CPE: variants seen among roughly 807,000 people sequenced by gnomAD.
The protein encoded by CPE is carboxypeptidase E.
In CPE, 17 loss-of-function variants were observed where a neutral mutation model predicts 53.5. The ratio of observed to expected loss-of-function variants is 0.32; its 90% confidence interval spans 0.22 to 0.48. The LOEUF (loss-of-function observed/expected upper bound fraction) is 0.48, where lower values mean the gene tolerates loss of function less well. Among genes scored for constraint, CPE ranks in the 20% least tolerant of loss-of-function variants. The probability of loss-of-function intolerance (pLI) is 0.99; values close to 1 mark genes in which losing one functional copy is unlikely to be tolerated. For missense variants in CPE, 524 were observed against 614.7 expected (o/e 0.85, Z 1.56); for synonymous variants, 226 against 228.8 (o/e 0.99, Z 0.11).
Position 165,469,539 on chromosome 4 carries a change from G to C in CPE, c.672+1684G>C, listed in dbSNP as rs146731023. ...CTTCAGATGAGTTGCTGCTCCAACT[G>C]TCTAGAATTCTCTTGTCTTTCCTTC... is the stretch of plus-strand genomic sequence containing the variant. On this transcript the variant is annotated intron_variant, in intron 3 of 8. Transcript: ENST00000402744. 3.7e-3 allele frequency among the ~76,000 whole-genome samples: 558 copies of C among 152,222 alleles called. 2 individuals carry two copies. The highest frequency in any genetic ancestry group is 0.012 in the African/African-American group (517 of 41,520).
intron 6 of CPE, among the ~76,000 whole-genome samples, chr4:165,489,081 C>A (rs918212197): frequency 1.3e-5 from 2 of 152,030 alleles, no homozygotes; most frequent in African/African-American, 4.8e-5. Context: ...ATAAGCAGTC[C>A]ACGATGACTC....
At chr4:165,407,859 CTT>C (rs35254759) in intron 1 of CPE, among the ~76,000 whole-genome samples, 1 of 144,698 alleles carries the variant, frequency 6.9e-6, no homozygotes, top group Non-Finnish European at 1.5e-5. Flanking sequence ...CCCGACCCAA[CTT>C]TTTTTTTTTT....
intron 7 of CPE, among the ~76,000 whole-genome samples, chr4:165,495,036 A>C (rs1433857778): frequency 2.6e-5 from 4 of 152,206 alleles, no homozygotes; most frequent in South Asian, 4.1e-4. Flanking sequence ...GTTTGCACCC[A>C]AGTTTGAAAA....
rs772626574 is a variant in CPE, at chr4:165,386,306, T to C, written c.307+6778T>C. ...AAGCTCCTATAGCTCCTGTAGCTTCTTGTGCTCTAGGATTGTATTTTGTTT... is the reference window on the plus strand; with the variant it reads ...AAGCTCCTATAGCTCCTGTAGCTTCCTGTGCTCTAGGATTGTATTTTGTTT... On this transcript the variant is annotated intron_variant, in intron 1 of 8. Transcript: ENST00000402744. 3.2e-5 allele frequency: 16 copies of C among 503,310 alleles called. No individual in the cohort carries two copies. In the East Asian group the frequency reaches 8.8e-4, roughly 28 times the overall value. The allele number at this position is 503,310 out of a possible 1,614,324, so 31.2% of individuals were successfully genotyped here. A position where few individuals can be genotyped will look rare whatever the true frequency, so the allele number is the denominator to read the frequency against.
At chr4:165,461,937 TC>T (rs1243807502) in intron 1 of CPE, among the ~76,000 whole-genome samples, 6 of 152,358 alleles carry the variant, frequency 3.9e-5, no homozygotes, top group Non-Finnish European at 7.3e-5. Flanking sequence ...TCTTTTGCTA[TC>T]ATATGTGCCT....
intron 1 of CPE, chr4:165,405,526 C>CTG: frequency 1.0e-6 from 1 of 955,388 alleles, no homozygotes; most frequent in Non-Finnish European, 1.7e-6. Flanking sequence ...TTTTGTAAAT[C>CTG]TGTTGCCTGA....
At chr4:165,456,522 CTT>C (rs923908559) in intron 1 of CPE, among the ~76,000 whole-genome samples, 17 of 151,694 alleles carry the variant, frequency 1.1e-4, no homozygotes, top group African/African-American at 3.9e-4. Context: ...CTTTGTTTCT[CTT>C]TGTTTCTCTC....
intron 1 of CPE, among the ~76,000 whole-genome samples, chr4:165,419,996 A>G (rs1035381269): frequency 6.6e-6 from 1 of 152,182 alleles, no homozygotes; most frequent in Non-Finnish European, 1.5e-5. Flanking sequence ...AAAAGATATA[A>G]TAGCTTATTT....
Position 165,412,429 on chromosome 4 carries a change from AT to A in CPE, c.307+32902del, listed in dbSNP as rs1731056805. Among the ~76,000 whole-genome samples the A allele has an allele frequency of 2.0e-5, 3 of 152,362 alleles. No individual in the cohort carries two copies. The East Asian group carries it at 5.8e-4, about 29-fold the overall frequency. On this transcript the variant is annotated intron_variant, in intron 1 of 8. Coordinates refer to ENST00000402744, the MANE Select transcript of CPE (RefSeq NM_001873.4). ...CCAGGAAAAATTCTAGTTGCTGGAA[AT>A]AAGACAATAAAGAAAACAGGGATTA...
chr4:165,424,928 G>A (rs1001239884), intron 1 of CPE, among the ~76,000 whole-genome samples: 24 of 147,296 alleles, frequency 1.6e-4, no homozygotes, highest in African/African-American at 6.0e-4. Flanking sequence ...AGGCTAGCAT[G>A]CAGTGATGCG....
At position 165,484,699 on chromosome 4, in the gene CPE, A is replaced by G. The variant is rs552891216; in HGVS notation, c.973+95A>G. The G allele has an allele frequency of 6.8e-5, 78 of 1,140,700 alleles. 1 individual carries two copies. Among genetic ancestry groups the G allele is most frequent in the Non-Finnish European group, 8.6e-5 (70 of 812,362 alleles). The allele number at this position is 1,140,700 out of a possible 1,614,324, so 70.7% of individuals were successfully genotyped here. On this transcript the variant is annotated intron_variant, in intron 5 of 8. Coordinates refer to ENST00000402744, the MANE Select transcript of CPE (RefSeq NM_001873.4). ...GTGATTTAGATTTAGAGAATCTTCA[A>G]TCGTCCTCCATCATTAAAAAGTAGA...
intron 1 of CPE, among the ~76,000 whole-genome samples, chr4:165,411,237 C>T (rs963581208): frequency 3.3e-5 from 5 of 152,048 alleles, no homozygotes; most frequent in East Asian, 1.9e-4. Flanking sequence ...GTTTTTTAGT[C>T]GCCTAAGAGA....
chr4:165,470,042 T>A (rs1030119019), intron 3 of CPE, among the ~76,000 whole-genome samples: 2 of 152,178 alleles, frequency 1.3e-5, no homozygotes, highest in Non-Finnish European at 2.9e-5. Flanking sequence ...GGCAAATCCA[T>A]ACAGGTCTTC....
intron 3 of CPE, among the ~76,000 whole-genome samples, chr4:165,481,015 TA>T (rs375955159): frequency 0.14 from 7,477 of 52,024 alleles, 208 homozygotes; most frequent in East Asian, 0.34. Context: ...TATATATATA[TA>T]TTTTTTTTTT....
intron 1 of CPE, among the ~76,000 whole-genome samples, chr4:165,448,702 C>T (rs1015450798): frequency 2.0e-5 from 3 of 152,180 alleles, no homozygotes; most frequent in African/African-American, 7.2e-5. Context: ...CTCCACTCTA[C>T]CACACCCATA....
At chr4:165,433,870 A>C (rs895595277) in intron 1 of CPE, among the ~76,000 whole-genome samples, 1 of 152,132 alleles carries the variant, frequency 6.6e-6, no homozygotes, top group Non-Finnish European at 1.5e-5. Context: ...TTGCTTCTTA[A>C]CCTTGCTTAT....
At chr4:165,410,196 C>A (rs1311288820) in intron 1 of CPE, among the ~76,000 whole-genome samples, 1 of 149,840 alleles carries the variant, frequency 6.7e-6, no homozygotes, top group African/African-American at 2.5e-5. Context: ...TTGCAGTGAG[C>A]CAAGATTAGG....
At chr4:165,470,794 C>G (rs560948631) in intron 3 of CPE, among the ~76,000 whole-genome samples, 7 of 152,138 alleles carry the variant, frequency 4.6e-5, no homozygotes, top group African/African-American at 1.4e-4. Context: ...TCTGTAACTG[C>G]TTCCTACTGA....
chr4:165,469,281 G>T (rs1732159062), intron 3 of CPE, among the ~76,000 whole-genome samples: 1 of 152,122 alleles, frequency 6.6e-6, no homozygotes, highest in Non-Finnish European at 1.5e-5. Context: ...CTTCTCTATT[G>T]TTCTGGGTAT....
Sources: allele counts gnomAD v4.1 joint callset (sites outside exome capture counted in the v4.1 genomes callset), GRCh38; gene constraint gnomAD v4.1.1; transcripts MANE v1.5; gene names NCBI Gene and HGNC (gene_info 2026-07-23, HGNC 2026-07-21).